PDZRN4: variants seen among roughly 807,000 people sequenced by gnomAD.
PDZRN4 encodes the protein PDZ domain-containing RING finger protein 4.
A neutral mutation model predicts 99.0 loss-of-function variants in PDZRN4; 70 were observed. The observed-to-expected ratio is 0.71, with a 90% CI of 0.58 to 0.86. The LOEUF (loss-of-function observed/expected upper bound fraction) is 0.86. Among genes scored for constraint, PDZRN4 ranks in the 40% least tolerant of loss-of-function variants. The probability of loss-of-function intolerance (pLI) is 0.00; values close to 1 mark genes in which losing one functional copy is unlikely to be tolerated. For missense variants in PDZRN4, 1,474 were observed against 1,331.2 expected, an observed-to-expected ratio of 1.11 and a Z score of -1.67; for synonymous variants, 551 against 501.6, an observed-to-expected ratio of 1.10 and a Z score of -1.32.
chr12:41,381,546 A>G (rs1489777835), intron 3 of PDZRN4, among the ~76,000 whole-genome samples: 5 of 152,064 alleles, frequency 3.3e-5, no homozygotes, highest in Non-Finnish European at 5.9e-5. Context: ...CAGTTTAGTC[A>G]TTGTGTTCTT....
intron 3 of PDZRN4, among the ~76,000 whole-genome samples, chr12:41,387,195 G>A (rs1952176766): frequency 6.6e-6 from 1 of 152,128 alleles, no homozygotes; most frequent in Non-Finnish European, 1.5e-5. Context: ...AAGAATGGGA[G>A]AATATTTTTT....
At chr12:41,568,823 T>A (rs1307488527) in intron 9 of PDZRN4, among the ~76,000 whole-genome samples, 1 of 151,090 alleles carries the variant, frequency 6.6e-6, no homozygotes, top group African/African-American at 2.4e-5. Context: ...TATATATATA[T>A]ATACGGAATC....
intron 5 of PDZRN4, among the ~76,000 whole-genome samples, chr12:41,520,177 T>G (rs1938470197): frequency 6.6e-6 from 1 of 152,156 alleles, no homozygotes; most frequent in South Asian, 2.1e-4. Context: ...TCTTAAATAT[T>G]TGACAAACAA....
At chr12:41,466,519 G>T (rs911098699) in intron 3 of PDZRN4, among the ~76,000 whole-genome samples, 1 of 152,094 alleles carries the variant, frequency 6.6e-6, no homozygotes, top group Non-Finnish European at 1.5e-5. Context: ...TGTCGGAGAC[G>T]TTAGATGACC....
intron 3 of PDZRN4, among the ~76,000 whole-genome samples, chr12:41,255,322 A>C (rs1239617005): frequency 6.6e-6 from 1 of 152,210 alleles, no homozygotes; most frequent in Non-Finnish European, 1.5e-5. Context: ...AAAGATTAAT[A>C]TAGAGTTCGA....
At chr12:41,347,421 T>C (rs2121029737) in intron 3 of PDZRN4, among the ~76,000 whole-genome samples, 1 of 152,300 alleles carries the variant, frequency 6.6e-6, no homozygotes, top group South Asian at 2.1e-4. Flanking sequence ...TTTTCTGTGC[T>C]TATTTGCTAT....
chr12:41,402,756 TA>T (rs541018989), intron 3 of PDZRN4, among the ~76,000 whole-genome samples: 3 of 147,860 alleles, frequency 2.0e-5, no homozygotes, highest in Non-Finnish European at 3.0e-5. Flanking sequence ...TGATTAGAGG[TA>T]AAAAAAAGTT....
chr12:41,377,363 G>T (rs1272108834), intron 3 of PDZRN4, among the ~76,000 whole-genome samples: 1 of 152,232 alleles, frequency 6.6e-6, no homozygotes, highest in Middle Eastern at 3.4e-3. Context: ...ATGAATAGAA[G>T]ATATTTTTCC....
chr12:41,293,133 A>C (rs755843494), intron 3 of PDZRN4, among the ~76,000 whole-genome samples: 5 of 146,924 alleles, frequency 3.4e-5, no homozygotes, highest in Non-Finnish European at 7.6e-5. Flanking sequence ...GCCAGTTCTA[A>C]AAAAAGTATT....
chr12:41,509,697 C>T, intron 4 of PDZRN4, 114 bp from the exon 5 acceptor site: 1 of 554,658 alleles, frequency 1.8e-6, no homozygotes, highest in South Asian at 2.6e-5. Context: ...AAGACTAGAT[C>T]ACTACAGATC....
chr12:41,461,047 G>C (rs1225302721), intron 3 of PDZRN4, among the ~76,000 whole-genome samples: 1 of 152,106 alleles, frequency 6.6e-6, no homozygotes, highest in African/African-American at 2.4e-5. Context: ...GTTTCCCTGT[G>C]TAAAAAGTGC....
chr12:41,352,955 G>C (rs576207326), intron 3 of PDZRN4, among the ~76,000 whole-genome samples: 1 of 152,090 alleles, frequency 6.6e-6, no homozygotes, highest in Non-Finnish European at 1.5e-5. Context: ...GAATTTAGAA[G>C]AGATGAATAA....
intron 8 of PDZRN4, among the ~76,000 whole-genome samples, chr12:41,565,061 T>A (rs1164874762): frequency 2.6e-5 from 4 of 152,134 alleles, no homozygotes; most frequent in African/African-American, 9.7e-5. Context: ...TAATAGAAAT[T>A]AATAACATAG....
intron 3 of PDZRN4, among the ~76,000 whole-genome samples, chr12:41,271,548 C>G (rs954578683): frequency 6.6e-6 from 1 of 152,126 alleles, no homozygotes; most frequent in African/African-American, 2.4e-5. Flanking sequence ...AAATGCTAGC[C>G]TCCTGGCCCT....
At chr12:41,198,128 G>A (rs1282097088) in intron 3 of PDZRN4, among the ~76,000 whole-genome samples, 1 of 151,886 alleles carries the variant, frequency 6.6e-6, no homozygotes, top group Non-Finnish European at 1.5e-5. Context: ...ATGCTGCCCA[G>A]GCTGGTCTTG....
chr12:41,374,245 T>C (rs1415048204), intron 3 of PDZRN4, among the ~76,000 whole-genome samples: 1 of 152,102 alleles, frequency 6.6e-6, no homozygotes, highest in Non-Finnish European at 1.5e-5. Context: ...ACATACATGA[T>C]GTGATCAAAA....
chr12:41,541,740 A>C (rs1938861224), intron 5 of PDZRN4, among the ~76,000 whole-genome samples: 1 of 152,208 alleles, frequency 6.6e-6, no homozygotes, highest in Non-Finnish European at 1.5e-5. Flanking sequence ...GGCGTGAGCC[A>C]CCACGCCCGG....
chr12:41,363,003 G>C (rs1951974207), intron 3 of PDZRN4, among the ~76,000 whole-genome samples: 1 of 151,990 alleles, frequency 6.6e-6, no homozygotes, highest in South Asian at 2.1e-4. Context: ...CAAGATTTGG[G>C]CCTTAGGGCA....
At chr12:41,384,194 A>C (rs1450441256) in intron 3 of PDZRN4, among the ~76,000 whole-genome samples, 1 of 151,940 alleles carries the variant, frequency 6.6e-6, no homozygotes, top group Admixed American at 6.6e-5. Context: ...ATTAAATAAC[A>C]ACAAAAAGTC....
Sources: gnomAD v4.1 joint callset for allele counts (sites outside exome capture counted in the v4.1 genomes callset) on GRCh38, gnomAD v4.1.1 for gene constraint, MANE v1.5 for transcripts, NCBI Gene and HGNC (gene_info 2026-07-23, HGNC 2026-07-21) for gene names.